Variants in CSNK1E observed in about 807,000 individuals in gnomAD.
The protein encoded by CSNK1E is casein kinase 1 epsilon, also known as casein kinase I isoform epsilon.
In CSNK1E, 17 loss-of-function variants were observed where a neutral mutation model predicts 46.1. The observed-to-expected ratio is 0.37, with a 90% confidence interval of 0.25 to 0.55. The LOEUF (loss-of-function observed/expected upper bound fraction) is 0.55. Ranked by LOEUF, CSNK1E falls within the 20% of genes least tolerant of loss-of-function variation. CSNK1E has a pLI of 0.82. For synonymous variants in CSNK1E, 241 were observed against 242.6 expected (o/e 0.99, Z 0.06); for missense variants, 386 against 595.4 (o/e 0.65, Z 3.66).
In CSNK1E at chr22:38,291,133, C is replaced by G. The variant is rs529068207; in HGVS notation, c.*838G>C. ...AGTCTCCATGGATTCTGCCCTAAAA[C>G]CAGGAATGGAAGATGGAGCTGCCAC... On this transcript the variant is annotated 3_prime_UTR_variant, in exon 11 of 11. Coordinates refer to ENST00000396832, the MANE Select transcript of CSNK1E (RefSeq NM_152221.3). 1.3e-5 allele frequency: 2 copies of G among 152,278 alleles called. No individual in the cohort carries two copies. The highest frequency in any genetic ancestry group is 3.9e-4 in the East Asian group (2 of 5,172). 9.4% of individuals were successfully genotyped at this position (152,278 alleles called of 1,614,324 possible). A position where few individuals can be genotyped will look rare whatever the true frequency, so the allele number is the denominator to read the frequency against.
intron 4 of CSNK1E, among the ~76,000 whole-genome samples, chr22:38,301,252 G>C (rs754468583): frequency 6.6e-6 from 1 of 152,226 alleles, no homozygotes; most frequent in Admixed American, 6.5e-5. Context: ...CCCCATGGAA[G>C]GCTTGCCTGC....
intron 10 of CSNK1E, chr22:38,292,457 C>A (rs545205095): frequency 4.6e-5 from 7 of 152,336 alleles, no homozygotes; most frequent in African/African-American, 1.4e-4. Context: ...ATCTGCCCAG[C>A]CCGCCATGGA....
At chr22:38,305,949 G>A (rs758191132) in intron 2 of CSNK1E, among the ~76,000 whole-genome samples, 2 of 152,180 alleles carry the variant, frequency 1.3e-5, no homozygotes, top group African/African-American at 2.4e-5. Flanking sequence ...GCGGGGACAA[G>A]GCTGTCGGCT....
At chr22:38,293,835 C>T in intron 9 of CSNK1E, 3 of 513,096 alleles carry the variant, frequency 5.8e-6, no homozygotes, top group Admixed American at 6.6e-5. Context: ...TGCTGCCCAC[C>T]CTGGCTGGGC....
At chr22:38,293,989 T>C in intron 9 of CSNK1E, 120 bp downstream of exon 9, 1 of 1,218,296 alleles carries the variant, frequency 8.2e-7, no homozygotes, top group Non-Finnish European at 1.1e-6. Context: ...ACAGAAGGGG[T>C]TCACTCCAAG....
chr22:38,297,801 C>T, intron 7 of CSNK1E: 1 of 1,007,216 alleles, frequency 9.9e-7, no homozygotes, highest in East Asian at 1.1e-4. Context: ...GCTGCCATCT[C>T]TTGGGAACAG....
chr22:38,302,731 C>G (rs1241186359), intron 4 of CSNK1E, 130 bp downstream of exon 4: 1 of 1,078,426 alleles, frequency 9.3e-7, no homozygotes, highest in Non-Finnish European at 1.3e-6. Flanking sequence ...TAAACACCTA[C>G]AATTCTATAG....
At chr22:38,308,046 GTCCTA>G (rs896159101) in intron 2 of CSNK1E, among the ~76,000 whole-genome samples, 23 of 152,118 alleles carry the variant, frequency 1.5e-4, no homozygotes, top group African/African-American at 5.3e-4. Context: ...GTGGGGTAAG[GTCCTA>G]TCTCCTCGCT....
chr22:38,295,410 C>T (rs928982406), intron 7 of CSNK1E: 18 of 985,152 alleles, frequency 1.8e-5, no homozygotes, highest in Non-Finnish European at 2.2e-5. Flanking sequence ...GGGCCGTCCA[C>T]AGGGAAGGGC....
At position 38,300,119 on chromosome 22, in the gene CSNK1E, A is replaced by C; in HGVS notation, c.566-54T>G. On this transcript the variant is annotated intron_variant, in intron 5 of 10. Transcript: ENST00000396832. The surrounding 1 kb of genome is among the most constrained non-coding windows in gnomAD (Gnocchi z 4.4). ...GGACAGGGGTCCACTCAGGCCCCTA[A>C]CTCATCCTCTGGGTCATGCTCCTCA... is the stretch of plus-strand genomic sequence containing the variant. 1 of 1,556,188 alleles carries C rather than the reference A, an allele frequency of 6.4e-7. No individual in the cohort carries two copies. The highest frequency in any genetic ancestry group is 8.8e-7 in the Non-Finnish European group (1 of 1,138,666).
intron 10 of CSNK1E, chr22:38,292,156 T>A (rs2092614788): frequency 6.6e-6 from 1 of 151,850 alleles, no homozygotes; most frequent in African/African-American, 2.4e-5. Flanking sequence ...CCGGCTAATT[T>A]TTGTGTTTTT....
chr22:38,314,278 G>C (rs1331104097), intron 1 of CSNK1E, 109 bp from the exon 2 acceptor site: 6 of 770,030 alleles, frequency 7.8e-6, no homozygotes, highest in Non-Finnish European at 1.3e-5. Context: ...CTGCATTCTC[G>C]AAGACCACAT....
Position 38,298,766 on chromosome 22 carries a change from T to C in CSNK1E, c.885+20A>G. On this transcript the variant is annotated intron_variant, in intron 7 of 10. Coordinates refer to ENST00000396832, the MANE Select transcript of CSNK1E (RefSeq NM_152221.3). The surrounding 1 kb of genome is among the most constrained non-coding windows in gnomAD (Gnocchi z 4.2). Reference sequence around the variant, plus strand: ...CCCCATCCAGTCCCCCAAGCCCGCCTTGGCCTCCAGGTGACTCACGAATTT... The same window carrying C: ...CCCCATCCAGTCCCCCAAGCCCGCCCTGGCCTCCAGGTGACTCACGAATTT... 2 of 1,613,620 alleles carry C rather than the reference T, an allele frequency of 1.2e-6. No individual in the cohort carries two copies. The highest frequency in any genetic ancestry group is 1.1e-5 in the South Asian group (1 of 91,078).
rs1168277301 is a variant in CSNK1E at position 38,303,541 on chromosome 22, A to G, written c.77-293T>C. 6.6e-6 allele frequency among the ~76,000 whole-genome samples: 1 copy of G among 152,188 alleles called. No individual in the cohort carries two copies. Among genetic ancestry groups the G allele is most frequent in the East Asian group, 1.9e-4 (1 of 5,190 alleles). ...GTGGGGCAAGGGTCAGGTATGCAAA[A>G]GGCTCACAGACCACCTAAGGGAGGG... On this transcript the variant is annotated intron_variant, in intron 2 of 10. Transcript: ENST00000396832. The surrounding 1 kb of genome is among the most constrained non-coding windows in gnomAD (Gnocchi z 4.7).
At position 38,311,110 on chromosome 22, in the gene CSNK1E, C is replaced by T. The variant is rs775569239; in HGVS notation, c.76+2972G>A. 4.6e-5 allele frequency among the ~76,000 whole-genome samples: 7 copies of T among 152,266 alleles called. No individual in the cohort carries two copies. In the South Asian group the frequency reaches 8.3e-4, roughly 18 times the overall value. On this transcript the variant is annotated intron_variant, in intron 2 of 10. Transcript: ENST00000396832. ...GACCCAGACCCTTCGAAATCAACTCCGAACTAGAAACTAAGACCAATGGTG... is the reference window on the plus strand; with the variant it reads ...GACCCAGACCCTTCGAAATCAACTCTGAACTAGAAACTAAGACCAATGGTG...
rs1183304587 is a variant in CSNK1E, at chr22:38,300,334, C to T, written c.566-269G>A. ...GACTATGAGAGGGCACCTACTGCCCCCTTGCCTGGCCCACCCCGTGGAGAG... is the reference window on the plus strand; with the variant it reads ...GACTATGAGAGGGCACCTACTGCCCTCTTGCCTGGCCCACCCCGTGGAGAG... On this transcript the variant is annotated intron_variant, in intron 5 of 10. Coordinates refer to ENST00000396832, the MANE Select transcript of CSNK1E (RefSeq NM_152221.3). This position sits in a 1 kb window ranked among gnomAD's most constrained non-coding sequence, Gnocchi z 4.4. Among the ~76,000 whole-genome samples the T allele has an allele frequency of 6.6e-6, 1 of 152,228 alleles. No homozygotes were observed. Among genetic ancestry groups the T allele is most frequent in the Non-Finnish European group, 1.5e-5 (1 of 68,044 alleles).
At chr22:38,307,551 A>G (rs1054854469) in intron 2 of CSNK1E, among the ~76,000 whole-genome samples, 2 of 152,186 alleles carry the variant, frequency 1.3e-5, no homozygotes, top group Admixed American at 1.3e-4. Flanking sequence ...CTCCGTCTCA[A>G]AACAAAAAAA....
intron 2 of CSNK1E, among the ~76,000 whole-genome samples, chr22:38,304,515 G>A (rs915339392): frequency 4.6e-5 from 7 of 152,146 alleles, no homozygotes; most frequent in Non-Finnish European, 1.0e-4. Context: ...TCAGAAACAC[G>A]TGTGCACCAG....
rs778170734 is a variant in CSNK1E at position 38,294,126 on chromosome 22, G to A, written c.1201C>T (p.Arg401Trp). ...SDLTGRQEVS[R>W]IPASQTSVPF... ...CAGCTCACCTGTGAGGCTGGGATCC[G>A]GGAGACCTCTTGCCGCCCAGTGAGG... is the stretch of plus-strand genomic sequence containing the variant. Residue 401 changes from arginine to tryptophan, a missense_variant, in exon 9 of 11, where the codon CGG (arginine) becomes TGG (tryptophan). Around this residue, in one of 2 missense-constraint regions of CSNK1E, gnomAD observed 174 missense variants for 185.2 expected, o/e 0.94. Coordinates refer to ENST00000396832, the MANE Select transcript of CSNK1E (RefSeq NM_152221.3). The surrounding 1 kb of genome is among the most constrained non-coding windows in gnomAD (Gnocchi z 5.5). 29 of 1,610,286 alleles carry A rather than the reference G, an allele frequency of 1.8e-5. No individual in the cohort carries two copies. Among genetic ancestry groups the A allele is most frequent in the East Asian group, 2.2e-5 (1 of 44,824 alleles).
Sources: allele counts gnomAD v4.1 joint callset (sites outside exome capture counted in the v4.1 genomes callset), GRCh38; gene constraint gnomAD v4.1.1; regional missense constraint gnomAD v4.1.1; non-coding constraint Gnocchi (gnomAD v3.1); transcripts MANE v1.5; gene names NCBI Gene and HGNC (gene_info 2026-07-23, HGNC 2026-07-21).